PLCXD3: variants seen among roughly 807,000 people sequenced by gnomAD.
The protein encoded by PLCXD3 is PI-PLC X domain-containing protein 3.
In PLCXD3, 19 loss-of-function variants were observed where a neutral mutation model predicts 25.5. The observed-to-expected ratio is 0.75, with a 90% CI of 0.52 to 1.09. PLCXD3 has a LOEUF of 1.09. Ranked by LOEUF, PLCXD3 falls within the 50% of genes least tolerant of loss-of-function variation. The pLI is 0.00. For synonymous variants in PLCXD3, 174 were observed against 137.6 expected, an observed-to-expected ratio of 1.26 and a Z score of -1.85; for missense variants, 411 against 388.1, an observed-to-expected ratio of 1.06 and a Z score of -0.50.
intron 1 of PLCXD3, among the ~76,000 whole-genome samples, chr5:41,408,267 C>G (rs963527991): frequency 6.6e-6 from 1 of 152,198 alleles, no homozygotes; most frequent in East Asian, 1.9e-4. Context: ...AAGGCCCACA[C>G]TTTGAATGTG....
intron 1 of PLCXD3, among the ~76,000 whole-genome samples, chr5:41,408,092 C>A (rs1746404812): frequency 6.6e-6 from 1 of 152,124 alleles, no homozygotes; most frequent in African/African-American, 2.4e-5. Flanking sequence ...CATCAATATT[C>A]AGATTATTCA....
chr5:41,414,298 G>A (rs752183806), intron 1 of PLCXD3, among the ~76,000 whole-genome samples: 24 of 151,988 alleles, frequency 1.6e-4, no homozygotes, highest in Admixed American at 5.2e-4. Context: ...GCAATGGCGC[G>A]ATCTCGGCTC....
chr5:41,455,734 CT>C (rs1344843441), intron 1 of PLCXD3, among the ~76,000 whole-genome samples: 2 of 151,894 alleles, frequency 1.3e-5, no homozygotes, highest in Non-Finnish European at 2.9e-5. Flanking sequence ...ACTGCCTGTC[CT>C]TAAAGAACTG....
intron 1 of PLCXD3, among the ~76,000 whole-genome samples, chr5:41,443,648 C>T (rs1200421165): frequency 6.6e-6 from 1 of 152,104 alleles, no homozygotes; most frequent in African/African-American, 2.4e-5. Context: ...CTGTGCTGAC[C>T]TTTTGCAGGA....
chr5:41,390,281 G>A (rs180992404), intron 1 of PLCXD3, among the ~76,000 whole-genome samples: 1 of 151,988 alleles, frequency 6.6e-6, no homozygotes, highest in Admixed American at 6.6e-5. Context: ...TTGAGCATTT[G>A]GGTGGTTTCC....
chr5:41,427,743 C>T lies in PLCXD3; in HGVS notation c.104-45209G>A, dbSNP rs781556950. On this transcript the variant is annotated intron_variant, in intron 1 of 2. Coordinates refer to ENST00000377801, the MANE Select transcript of PLCXD3 (RefSeq NM_001005473.3). ...ACTCTGGGTGGTTGAACTGTCGCTT[C>T]CAAACAGTGTGACATTTCCTTCTTC... 1.0e-3 allele frequency among the ~76,000 whole-genome samples: 158 copies of T among 152,050 alleles called. 1 individual carries two copies. The highest frequency in any genetic ancestry group is 1.9e-3 in the Non-Finnish European group (128 of 68,000).
At chr5:41,477,963 A>G (rs970472288) in intron 1 of PLCXD3, among the ~76,000 whole-genome samples, 1 of 152,196 alleles carries the variant, frequency 6.6e-6, no homozygotes, top group African/African-American at 2.4e-5. Flanking sequence ...AGATTTTAAG[A>G]ATTAGTGACA....
At chr5:41,460,339 G>A (rs891101753) in intron 1 of PLCXD3, among the ~76,000 whole-genome samples, 1 of 151,924 alleles carries the variant, frequency 6.6e-6, no homozygotes, top group Admixed American at 6.6e-5. Context: ...ATAAACAGAG[G>A]TGCTTAGATG....
At chr5:41,332,553 A>G (rs1373401777) in intron 2 of PLCXD3, among the ~76,000 whole-genome samples, 1 of 152,202 alleles carries the variant, frequency 6.6e-6, no homozygotes, top group Non-Finnish European at 1.5e-5. Flanking sequence ...TCAGGGATCT[A>G]GAACTAGAAA....
At chr5:41,503,108 T>A (rs1032639583) in intron 1 of PLCXD3, among the ~76,000 whole-genome samples, 1 of 152,166 alleles carries the variant, frequency 6.6e-6, no homozygotes, top group East Asian at 1.9e-4. Flanking sequence ...CATGGGTGTA[T>A]AGCCTGAGAC....
Position 41,308,973 on chromosome 5 carries a change from C to T in PLCXD3, c.*4644G>A, listed in dbSNP as rs950554236. ...CCATTCCTCACAAAATTAAAAGACA[C>T]CATTTTTAACAAAAACTTAATTTCT... On this transcript the variant is annotated 3_prime_UTR_variant, in exon 3 of 3. Transcript: ENST00000377801. The T allele has an allele frequency of 6.6e-6, 1 of 152,480 alleles. No homozygotes were observed. The highest frequency in any genetic ancestry group is 1.5e-5 in the Non-Finnish European group (1 of 67,992). 9.4% of individuals were successfully genotyped at this position (152,480 alleles called of 1,614,324 possible).
chr5:41,489,525 T>C (rs1026198420), intron 1 of PLCXD3, among the ~76,000 whole-genome samples: 1 of 152,214 alleles, frequency 6.6e-6, no homozygotes, highest in African/African-American at 2.4e-5. Flanking sequence ...TTGGGCAGTA[T>C]GGCAATTTTC....
intron 1 of PLCXD3, among the ~76,000 whole-genome samples, chr5:41,434,252 C>A (rs149748469): frequency 6.6e-6 from 1 of 152,314 alleles, no homozygotes; most frequent in Non-Finnish European, 1.5e-5. Flanking sequence ...TGATTTTGGC[C>A]AAGTCACTTG....
At chr5:41,339,048 C>A (rs1744061474) in intron 2 of PLCXD3, among the ~76,000 whole-genome samples, 1 of 152,068 alleles carries the variant, frequency 6.6e-6, no homozygotes, top group South Asian at 2.1e-4. Context: ...TCCTTCATGG[C>A]TTCTTCTGCA....
chr5:41,410,602 T>C (rs1254665527), intron 1 of PLCXD3, among the ~76,000 whole-genome samples: 2 of 152,172 alleles, frequency 1.3e-5, no homozygotes, highest in East Asian at 3.9e-4. Context: ...GGCTCAGCAC[T>C]GACAGCTGTC....
At chr5:41,481,868 C>T (rs556506439) in intron 1 of PLCXD3, among the ~76,000 whole-genome samples, 1 of 152,286 alleles carries the variant, frequency 6.6e-6, no homozygotes, top group South Asian at 2.1e-4. Context: ...TGAATTAGGT[C>T]AGGCCTTCAT....
At chr5:41,482,291 G>A (rs1482012078) in intron 1 of PLCXD3, among the ~76,000 whole-genome samples, 2 of 152,102 alleles carry the variant, frequency 1.3e-5, no homozygotes, top group Non-Finnish European at 2.9e-5. Context: ...CTGGATGAAT[G>A]AGTCCCAAAT....
intron 2 of PLCXD3, among the ~76,000 whole-genome samples, chr5:41,365,763 A>T (rs1345983272): frequency 6.6e-6 from 1 of 151,808 alleles, no homozygotes; most frequent in Non-Finnish European, 1.5e-5. Flanking sequence ...CCCCACCTCA[A>T]TTTTTTTTAG....
At chr5:41,490,084 C>G (rs1748621522) in intron 1 of PLCXD3, among the ~76,000 whole-genome samples, 1 of 151,992 alleles carries the variant, frequency 6.6e-6, no homozygotes, top group South Asian at 2.1e-4. Flanking sequence ...TCATAGATAG[C>G]TCTTATTATC....
Sources: allele counts gnomAD v4.1 joint callset (sites outside exome capture counted in the v4.1 genomes callset), GRCh38; gene constraint gnomAD v4.1.1; transcripts MANE v1.5; gene names NCBI Gene and HGNC (gene_info 2026-07-23, HGNC 2026-07-21).